XRN2: variants seen among roughly 807,000 people sequenced by gnomAD.
The protein encoded by XRN2 is DHM1-like protein.
A neutral mutation model predicts 138.5 loss-of-function variants in XRN2; 44 were observed. The observed-to-expected ratio is 0.32, with a 90% CI of 0.25 to 0.41. XRN2 has a LOEUF of 0.41. Ranked by LOEUF, XRN2 falls within the 10% of genes least tolerant of loss-of-function variation. The probability of loss-of-function intolerance (pLI) is 1.00; values close to 1 mark genes in which losing one functional copy is unlikely to be tolerated. For synonymous variants in XRN2, 354 were observed against 369.4 expected (o/e 0.96, Z 0.48); for missense variants, 937 against 1,169.3 (o/e 0.80, Z 2.90).
intron 1 of XRN2, among the ~76,000 whole-genome samples, chr20:21,310,391 G>C (rs1458360273): frequency 1.3e-5 from 2 of 152,132 alleles, no homozygotes; most frequent in Admixed American, 6.5e-5. Context: ...TACATTTTCT[G>C]CTGCTGTGAA....
intron 13 of XRN2, among the ~76,000 whole-genome samples, chr20:21,337,674 C>T (rs1271647412): frequency 6.6e-6 from 1 of 152,130 alleles, no homozygotes; most frequent in African/African-American, 2.4e-5. Flanking sequence ...GAACGATAAG[C>T]TTGTGGGAGT....
chr20:21,352,892 A>C (rs2038526886), intron 20 of XRN2, among the ~76,000 whole-genome samples: 1 of 151,990 alleles, frequency 6.6e-6, no homozygotes, highest in African/African-American at 2.4e-5. Context: ...CAGTGAGATA[A>C]TGCATGTAAC....
chr20:21,310,708 A>G (rs934171078), intron 1 of XRN2, among the ~76,000 whole-genome samples: 1 of 151,936 alleles, frequency 6.6e-6, no homozygotes, highest in Non-Finnish European at 1.5e-5. Flanking sequence ...TGTAGGTAAC[A>G]TAACAATTGG....
chr20:21,341,922 C>T (rs1384693919), intron 15 of XRN2, among the ~76,000 whole-genome samples: 1 of 151,970 alleles, frequency 6.6e-6, no homozygotes, highest in Admixed American at 6.6e-5. Flanking sequence ...GGAAGCATTC[C>T]AGTATTATCT....
At chr20:21,375,914 C>G (rs1020127398) in intron 27 of XRN2, among the ~76,000 whole-genome samples, 2 of 151,886 alleles carry the variant, frequency 1.3e-5, no homozygotes, top group Admixed American at 1.3e-4. Context: ...TCTCGGCTCA[C>G]TGCAAGCTCC....
At chr20:21,318,569 C>G (rs2037993517) in intron 1 of XRN2, among the ~76,000 whole-genome samples, 1 of 151,816 alleles carries the variant, frequency 6.6e-6, no homozygotes, top group African/African-American at 2.4e-5. Context: ...AGAGATATTT[C>G]TTAATCTAAG....
At chr20:21,310,997 C>T (rs191555125) in intron 1 of XRN2, among the ~76,000 whole-genome samples, 7 of 152,074 alleles carry the variant, frequency 4.6e-5, no homozygotes, top group South Asian at 4.1e-4. Context: ...GTGATCTGCC[C>T]GCCTCTGCCT....
Position 21,371,862 on chromosome 20 carries a change from G to A in XRN2, c.2584+3272G>A, listed in dbSNP as rs115905195. Among the ~76,000 whole-genome samples, 1,256 of 152,254 alleles carry A rather than the reference G, an allele frequency of 8.2e-3. 11 individuals are homozygous for A. Among genetic ancestry groups the A allele is most frequent in the African/African-American group, 0.027 (1,141 of 41,568 alleles). On this transcript the variant is annotated intron_variant, in intron 27 of 29. Transcript: ENST00000377191. ...GGGGCCTACAGTTCTATAGTTCTTC[G>A]TCTGCCTTCTTTGGAAATAGACAAC...
At chr20:21,365,886 T>A (rs1382970752) in intron 26 of XRN2, among the ~76,000 whole-genome samples, 182 bp downstream of exon 26, 2 of 87,024 alleles carry the variant, frequency 2.3e-5, no homozygotes, top group African/African-American at 8.9e-5. Flanking sequence ...TAATATTATA[T>A]AATATATAAT....
intron 24 of XRN2, among the ~76,000 whole-genome samples, chr20:21,362,750 A>T (rs115405173): frequency 9.9e-5 from 15 of 152,198 alleles, no homozygotes; most frequent in African/African-American, 3.1e-4. Flanking sequence ...GCCCTTCTCA[A>T]CTGGAGTTCC....
intron 21 of XRN2, among the ~76,000 whole-genome samples, chr20:21,355,480 A>G (rs2038564751): frequency 2.0e-5 from 3 of 152,184 alleles, no homozygotes; most frequent in Non-Finnish European, 2.9e-5. Flanking sequence ...TCATCAAATG[A>G]CACTGTATAT....
At chr20:21,369,776 GTCAAATGGATAGT>G (rs535527696) in intron 27 of XRN2, among the ~76,000 whole-genome samples, 56 of 152,224 alleles carry the variant, frequency 3.7e-4, no homozygotes, top group Non-Finnish European at 6.8e-4. Context: ...TTAAACTCTT[GTCAAATGGATAGT>G]TTGCAGATAT....
rs368167600 is a variant in XRN2 at position 21,313,408 on chromosome 20, T to A, written c.75+9935T>A. Reference sequence around the variant, plus strand: ...GCATGTCCACAAATGACTGCGAAAGTACCATGATTATTAATTTTGGGGTTA... The same window carrying A: ...GCATGTCCACAAATGACTGCGAAAGAACCATGATTATTAATTTTGGGGTTA... On this transcript the variant is annotated intron_variant, in intron 1 of 29. Coordinates refer to ENST00000377191, the MANE Select transcript of XRN2 (RefSeq NM_012255.5). 2.6e-5 allele frequency among the ~76,000 whole-genome samples: 4 copies of A among 152,352 alleles called. No homozygotes were observed. The East Asian group carries it at 5.8e-4, about 22-fold the overall frequency.
chr20:21,357,897 A>C (rs2038594968), intron 24 of XRN2, 105 bp downstream of exon 24: 7 of 933,356 alleles, frequency 7.5e-6, no homozygotes, highest in Non-Finnish European at 1.1e-5. Flanking sequence ...CTGTTAATCC[A>C]CCAATGCTTC....
chr20:21,377,853 C>T (rs2038843061), intron 27 of XRN2, among the ~76,000 whole-genome samples: 1 of 152,132 alleles, frequency 6.6e-6, no homozygotes, highest in African/African-American at 2.4e-5. Context: ...CAGAGAGGTA[C>T]TTTTTTGTCC....
chr20:21,344,185 A>C lies in XRN2; in HGVS notation c.1506A>C (p.Glu502Asp). ...GAAAAGCAGAAGACAGTGACAGTGAACCTGAGCCAGAGGATAATGTCAGGT... is the reference window on the plus strand; with the variant it reads ...GAAAAGCAGAAGACAGTGACAGTGACCCTGAGCCAGAGGATAATGTCAGGT... ...IKRKAEDSDS[E>D]PEPEDNVRLW... The change falls in exon 16 of 30, where the codon GAA becomes GAC. Residue 502 changes from glutamate to aspartate, a missense_variant. By Grantham distance (45) the Glu-to-Asp change is conservative (BLOSUM62 2). This residue lies in a region of XRN2 where 471 missense variants were observed against 581.2 expected (regional missense o/e 0.81). Transcript: ENST00000377191. 6.2e-7 allele frequency: 1 copy of C among 1,613,108 alleles called. No homozygotes were observed. Among genetic ancestry groups the C allele is most frequent in the Non-Finnish European group, 8.5e-7 (1 of 1,179,186 alleles).
chr20:21,373,123 C>T (rs563998680), intron 27 of XRN2, among the ~76,000 whole-genome samples: 1 of 152,292 alleles, frequency 6.6e-6, no homozygotes, highest in African/African-American at 2.4e-5. Flanking sequence ...AGCAGTTCTG[C>T]CTCAGCCTCC....
At chr20:21,378,751 CAT>C (rs914669659) in intron 27 of XRN2, among the ~76,000 whole-genome samples, 39 of 152,242 alleles carry the variant, frequency 2.6e-4, no homozygotes, top group African/African-American at 9.1e-4. Flanking sequence ...TTTTTAGTAT[CAT>C]AATCATTTTC....
chr20:21,316,481 A>G (rs553236294), intron 1 of XRN2, among the ~76,000 whole-genome samples: 1 of 152,278 alleles, frequency 6.6e-6, no homozygotes, highest in Non-Finnish European at 1.5e-5. Flanking sequence ...GGTGTGAAGT[A>G]ATAGTCCAGC....
Sources: allele counts gnomAD v4.1 joint callset (sites outside exome capture counted in the v4.1 genomes callset), GRCh38; gene constraint gnomAD v4.1.1; regional missense constraint gnomAD v4.1.1; transcripts MANE v1.5; gene names NCBI Gene and HGNC (gene_info 2026-07-23, HGNC 2026-07-21).